Variants in ZNF704 observed in about 807,000 individuals in gnomAD.
The protein encoded by ZNF704 is zinc finger protein 704.
In ZNF704, 10 loss-of-function variants were observed where a neutral mutation model predicts 44.7. The observed-to-expected ratio is 0.22, with a 90% CI of 0.14 to 0.38. The LOEUF is 0.38. Ranked by LOEUF, ZNF704 falls within the 10% of genes least tolerant of loss-of-function variation. The probability of loss-of-function intolerance (pLI) is 1.00; values close to 1 mark genes in which losing one functional copy is unlikely to be tolerated. For synonymous variants in ZNF704, 211 were observed against 207.6 expected, an observed-to-expected ratio of 1.02 and a Z score of -0.14; for missense variants, 390 against 545.5, an observed-to-expected ratio of 0.71 and a Z score of 2.84.
At chr8:80,786,700 T>C (rs1187934531) in intron 2 of ZNF704, among the ~76,000 whole-genome samples, 3 of 152,182 alleles carry the variant, frequency 2.0e-5, no homozygotes, top group Admixed American at 2.0e-4. Context: ...GTATCATAAA[T>C]AGGTGTGCTC....
intron 2 of ZNF704, among the ~76,000 whole-genome samples, chr8:80,795,050 T>C (rs915842357): frequency 6.6e-6 from 1 of 152,198 alleles, no homozygotes; most frequent in African/African-American, 2.4e-5. Flanking sequence ...GAGCGACAGA[T>C]TTTATTTCCT....
intron 1 of ZNF704, among the ~76,000 whole-genome samples, chr8:80,864,563 CAA>C (rs1809121538): frequency 6.6e-6 from 1 of 151,984 alleles, no homozygotes; most frequent in African/African-American, 2.4e-5. Flanking sequence ...TGGAATTTCC[CAA>C]AGTCAATTAA....
intron 2 of ZNF704, among the ~76,000 whole-genome samples, chr8:80,765,500 T>C (rs1288955684): frequency 6.6e-6 from 1 of 152,182 alleles, no homozygotes; most frequent in Non-Finnish European, 1.5e-5. Context: ...CATAGTTAAT[T>C]TCCAAATAAA....
At chr8:80,784,186 C>T (rs1275739192) in intron 2 of ZNF704, among the ~76,000 whole-genome samples, 1 of 152,186 alleles carries the variant, frequency 6.6e-6, no homozygotes. Context: ...GACGTCATTG[C>T]TTCCAAGTTT....
rs535999690 is a variant in ZNF704, at chr8:80,870,866, C to T, written c.-22+3705G>A. Among the ~76,000 whole-genome samples, 4 of 152,304 alleles carry T rather than the reference C, an allele frequency of 2.6e-5. No homozygotes were observed. The South Asian group carries it at 8.3e-4, about 32-fold the overall frequency. Reference sequence around the variant, plus strand: ...ACCATCTGCCTAACCACACCCTCCACCTGGTTGTCCAATAGTCATCTCAGA... The same window carrying T: ...ACCATCTGCCTAACCACACCCTCCATCTGGTTGTCCAATAGTCATCTCAGA... On this transcript the variant is annotated intron_variant, in intron 1 of 8. Coordinates refer to ENST00000327835, the MANE Select transcript of ZNF704 (RefSeq NM_001033723.3).
At chr8:80,765,825 C>T (rs1381320733) in intron 2 of ZNF704, among the ~76,000 whole-genome samples, 1 of 152,158 alleles carries the variant, frequency 6.6e-6, no homozygotes, top group African/African-American at 2.4e-5. Flanking sequence ...TTATGATCAA[C>T]ACCGATCTCT....
chr8:80,749,740 G>C (rs1345663676), intron 2 of ZNF704: 1 of 152,622 alleles, frequency 6.6e-6, no homozygotes, highest in African/African-American at 2.4e-5. Flanking sequence ...CCCAGGGCTT[G>C]GCCCATAGTA....
intron 1 of ZNF704, among the ~76,000 whole-genome samples, chr8:80,868,147 T>G (rs1213575589): frequency 6.6e-6 from 1 of 152,166 alleles, no homozygotes; most frequent in African/African-American, 2.4e-5. Context: ...CGTCTGTTTG[T>G]GTGTTTGTTT....
intron 2 of ZNF704, among the ~76,000 whole-genome samples, chr8:80,700,875 C>T (rs1818799271): frequency 6.6e-6 from 1 of 152,088 alleles, no homozygotes; most frequent in Admixed American, 6.6e-5. Context: ...ACTTCAACTC[C>T]CCCCTCCCCT....
intron 2 of ZNF704, among the ~76,000 whole-genome samples, chr8:80,699,697 G>A (rs1252785194): frequency 2.6e-5 from 4 of 152,148 alleles, no homozygotes; most frequent in Non-Finnish European, 5.9e-5. Context: ...ACTGGCACTG[G>A]CCCATGGTCC....
At chr8:80,718,448 T>C (rs1036116829) in intron 2 of ZNF704, among the ~76,000 whole-genome samples, 1 of 152,184 alleles carries the variant, frequency 6.6e-6, no homozygotes, top group Admixed American at 6.5e-5. Flanking sequence ...TCCTCACCAG[T>C]TGTTGTTGGG....
intron 1 of ZNF704, among the ~76,000 whole-genome samples, chr8:80,862,082 C>G (rs565180393): frequency 5.1e-5 from 7 of 136,560 alleles, no homozygotes; most frequent in African/African-American, 2.0e-4. Flanking sequence ...TGGCTCACTG[C>G]AACCTCTGCC....
chr8:80,687,771 T>C (rs1818564801), intron 3 of ZNF704, among the ~76,000 whole-genome samples: 1 of 152,204 alleles, frequency 6.6e-6, no homozygotes, highest in South Asian at 2.1e-4. Flanking sequence ...AAGATTTTCT[T>C]GTTCACTAAG....
At chr8:80,701,572 C>G (rs927312082) in intron 2 of ZNF704, among the ~76,000 whole-genome samples, 1 of 152,132 alleles carries the variant, frequency 6.6e-6, no homozygotes, top group African/African-American at 2.4e-5. Context: ...TGGCCCTTCT[C>G]TATTAATAGG....
chr8:80,645,035 A>G, intron 7 of ZNF704: 2 of 1,315,128 alleles, frequency 1.5e-6, no homozygotes, highest in Non-Finnish European at 2.2e-6. Flanking sequence ...GCTGAATGCC[A>G]AGATTCCTCC....
chr8:80,727,838 A>C (rs1252611016), intron 2 of ZNF704, among the ~76,000 whole-genome samples: 1 of 152,186 alleles, frequency 6.6e-6, no homozygotes, highest in East Asian at 1.9e-4. Context: ...AGGAAATGGC[A>C]TTTTATTCAA....
chr8:80,759,284 CTT>C (rs200175944), intron 2 of ZNF704, among the ~76,000 whole-genome samples: 9 of 139,412 alleles, frequency 6.5e-5, no homozygotes, highest in Non-Finnish European at 9.3e-5. Flanking sequence ...TTTCCAGGGC[CTT>C]TTTTTTTTTT....
At chr8:80,843,363 A>G (rs1176777355) in intron 1 of ZNF704, among the ~76,000 whole-genome samples, 1 of 152,242 alleles carries the variant, frequency 6.6e-6, no homozygotes, top group African/African-American at 2.4e-5. Flanking sequence ...GACCATATAC[A>G]GGGCAAATTA....
intron 2 of ZNF704, among the ~76,000 whole-genome samples, chr8:80,725,730 C>T (rs1437819327): frequency 2.0e-5 from 3 of 152,064 alleles, no homozygotes; most frequent in African/African-American, 7.2e-5. Context: ...TTTTGTGGAC[C>T]TAGCTCATGT....
Sources: gnomAD v4.1 joint callset for allele counts (sites outside exome capture counted in the v4.1 genomes callset) on GRCh38, gnomAD v4.1.1 for gene constraint, MANE v1.5 for transcripts, NCBI Gene and HGNC (gene_info 2026-07-23, HGNC 2026-07-21) for gene names.